ARFGEF3: variants seen among roughly 807,000 people sequenced by gnomAD.
The protein encoded by ARFGEF3 is brefeldin A-inhibited guanine nucleotide-exchange protein 3.
ARFGEF3 carries 96 observed loss-of-function variants against 221.7 expected under a neutral mutation model. That is an observed-to-expected ratio of 0.43 (90% CI 0.37 to 0.51). ARFGEF3 has a LOEUF of 0.51. Ranked by LOEUF, ARFGEF3 falls within the 20% of genes least tolerant of loss-of-function variation. The pLI is 0.00. For synonymous variants in ARFGEF3, 1,145 were observed against 1,126.8 expected (o/e 1.02, Z -0.32); for missense variants, 2,410 against 2,789.9 (o/e 0.86, Z 3.07).
At chr6:138,329,307 A>C (rs1780178489) in intron 32 of ARFGEF3, among the ~76,000 whole-genome samples, 1 of 152,194 alleles carries the variant, frequency 6.6e-6, no homozygotes, top group African/African-American at 2.4e-5. Flanking sequence ...CTGAGGGCAC[A>C]TACAGAGAGG....
chr6:138,214,800 A>G (rs188040848), intron 4 of ARFGEF3, among the ~76,000 whole-genome samples: 2 of 152,362 alleles, frequency 1.3e-5, no homozygotes, highest in African/African-American at 2.4e-5. Flanking sequence ...AAAAAAAATC[A>G]GTGAAGCCTG....
At chr6:138,183,899 A>G (rs1387044455) in intron 2 of ARFGEF3, among the ~76,000 whole-genome samples, 1 of 152,144 alleles carries the variant, frequency 6.6e-6, no homozygotes, top group Non-Finnish European at 1.5e-5. Flanking sequence ...CTCCCCTGTG[A>G]GTGCTCAGCA....
In ARFGEF3 at chr6:138,291,750, G is replaced by A; in HGVS notation, c.3065G>A (p.Gly1022Asp). The A allele has an allele frequency of 4.2e-6, 6 of 1,417,108 alleles. No homozygotes were observed. The highest frequency in any genetic ancestry group is 5.6e-6 in the Non-Finnish European group (6 of 1,080,988). The allele number at this position is 1,417,108 out of a possible 1,614,324, so 87.8% of individuals were successfully genotyped here. The change falls in exon 19 of 34, where the codon GGC becomes GAC. Residue 1022 changes from glycine (G) to aspartate (D), a missense_variant. This residue lies in a region of ARFGEF3 where 594 missense variants were observed against 734.3 expected (regional missense o/e 0.81). Coordinates refer to ENST00000251691, the MANE Select transcript of ARFGEF3 (RefSeq NM_020340.5). The surrounding 1 kb of genome is among the most constrained non-coding windows in gnomAD (Gnocchi z 4.5). ...PHVFRVCEYVGTLEHNHFSDG... is the reference protein window; with the variant it reads ...PHVFRVCEYVDTLEHNHFSDG... The stretch of plus-strand genomic sequence containing the variant: ...CTTTCTAGGGTGTGTGAATACGTGG[G>A]CACCCTGGAGCACAACCACTTCAGC...
At chr6:138,222,182 C>T (rs1437227021) in intron 4 of ARFGEF3, among the ~76,000 whole-genome samples, 4 of 152,106 alleles carry the variant, frequency 2.6e-5, no homozygotes, top group African/African-American at 9.7e-5. Context: ...TTTAGCTTCC[C>T]TGAGCCACAT....
intron 4 of ARFGEF3, among the ~76,000 whole-genome samples, chr6:138,224,926 T>C (rs1352023740): frequency 3.9e-5 from 6 of 152,210 alleles, no homozygotes; most frequent in Non-Finnish European, 7.3e-5. Context: ...CATTAATATA[T>C]AATATAAAGC....
intron 12 of ARFGEF3, among the ~76,000 whole-genome samples, chr6:138,270,388 A>G (rs1778980955): frequency 6.6e-6 from 1 of 151,118 alleles, no homozygotes; most frequent in Non-Finnish European, 1.5e-5. Flanking sequence ...TTATATAGAC[A>G]TAAATATGTC....
chr6:138,330,626 C>T lies in ARFGEF3; in HGVS notation c.5123+2484C>T, dbSNP rs371521015. 2.2e-4 allele frequency among the ~76,000 whole-genome samples: 33 copies of T among 152,220 alleles called. No individual in the cohort carries two copies. The East Asian group carries it at 4.8e-3, about 22-fold the overall frequency. ...CAGAGGTTGCAGTGAGCCGAGATCACGCCACTGCACTCCAGCCTGGATGGC... is the reference window on the plus strand; with the variant it reads ...CAGAGGTTGCAGTGAGCCGAGATCATGCCACTGCACTCCAGCCTGGATGGC... On this transcript the variant is annotated intron_variant, in intron 32 of 33. Coordinates refer to ENST00000251691, the MANE Select transcript of ARFGEF3 (RefSeq NM_020340.5).
chr6:138,177,857 A>G (rs900680919), intron 2 of ARFGEF3, among the ~76,000 whole-genome samples: 1 of 151,958 alleles, frequency 6.6e-6, no homozygotes, highest in Non-Finnish European at 1.5e-5. Flanking sequence ...CATTCATATC[A>G]TGAATTGATT....
chr6:138,293,498 T>G (rs1468025806), intron 19 of ARFGEF3, among the ~76,000 whole-genome samples: 1 of 152,208 alleles, frequency 6.6e-6, no homozygotes. Flanking sequence ...TTTGGGTGTG[T>G]ATGAGGCCAG....
intron 2 of ARFGEF3, among the ~76,000 whole-genome samples, chr6:138,205,575 G>A (rs1777610739): frequency 6.6e-6 from 1 of 152,142 alleles, no homozygotes; most frequent in Non-Finnish European, 1.5e-5. Context: ...AGCTATTCCT[G>A]CACTAATTGA....
chr6:138,163,699 G>C (rs536434617), intron 1 of ARFGEF3, among the ~76,000 whole-genome samples: 59 of 152,184 alleles, frequency 3.9e-4, no homozygotes, highest in Non-Finnish European at 7.3e-4. Context: ...AGCCACTGGG[G>C]AGGCTGAGCA....
chr6:138,267,801 C>G (rs1435879528), intron 12 of ARFGEF3, among the ~76,000 whole-genome samples: 5 of 152,114 alleles, frequency 3.3e-5, no homozygotes, highest in Non-Finnish European at 7.3e-5. Flanking sequence ...CCGTAAATTT[C>G]CCATCAGACC....
intron 1 of ARFGEF3, among the ~76,000 whole-genome samples, chr6:138,165,262 G>C (rs1162240859): frequency 6.6e-6 from 1 of 151,086 alleles, no homozygotes; most frequent in Non-Finnish European, 1.5e-5. Flanking sequence ...CCCCCTCTGA[G>C]ACCCTCATGG....
chr6:138,234,209 T>G (rs530290735), intron 5 of ARFGEF3, among the ~76,000 whole-genome samples: 5 of 152,298 alleles, frequency 3.3e-5, no homozygotes, highest in African/African-American at 1.2e-4. Context: ...CAACCTTCTG[T>G]AGACCAAGTA....
At chr6:138,192,831 G>C (rs1209617541) in intron 2 of ARFGEF3, among the ~76,000 whole-genome samples, 1 of 152,292 alleles carries the variant, frequency 6.6e-6, no homozygotes, top group African/African-American at 2.4e-5. Flanking sequence ...AGAAAGTAAG[G>C]GTTGAAGAGG....
At chr6:138,259,956 T>C (rs1416427211) in intron 10 of ARFGEF3, among the ~76,000 whole-genome samples, 1 of 152,132 alleles carries the variant, frequency 6.6e-6, no homozygotes, top group African/African-American at 2.4e-5. Context: ...GAATATCTAA[T>C]TTATTACCAG....
At chr6:138,231,851 A>C (rs1194425391) in intron 5 of ARFGEF3, among the ~76,000 whole-genome samples, 3 of 152,232 alleles carry the variant, frequency 2.0e-5, no homozygotes, top group African/African-American at 7.2e-5. Flanking sequence ...AGGATCATTA[A>C]GCTCTCAAAA....
At chr6:138,271,012 T>C (rs1778995158) in intron 12 of ARFGEF3, among the ~76,000 whole-genome samples, 1 of 152,064 alleles carries the variant, frequency 6.6e-6, no homozygotes, top group Non-Finnish European at 1.5e-5. Context: ...TGGCATATCA[T>C]GAAGGAGAGT....
At chr6:138,203,732 C>T (rs1368013562) in intron 2 of ARFGEF3, among the ~76,000 whole-genome samples, 1 of 152,198 alleles carries the variant, frequency 6.6e-6, no homozygotes, top group East Asian at 1.9e-4. Flanking sequence ...ACGCCTGCCT[C>T]CCAGGTTCAA....
Sources: gnomAD v4.1 joint callset for allele counts (sites outside exome capture counted in the v4.1 genomes callset) on GRCh38, gnomAD v4.1.1 for gene constraint, gnomAD v4.1.1 regional missense constraint, Gnocchi (gnomAD v3.1) non-coding constraint, MANE v1.5 for transcripts, NCBI Gene and HGNC (gene_info 2026-07-23, HGNC 2026-07-21) for gene names.